Variants in FLI1 observed in about 807,000 individuals in gnomAD.
FLI1 encodes Friend leukemia integration 1 transcription factor.
A neutral mutation model predicts 53.1 loss-of-function variants in FLI1; 13 were observed. The observed-to-expected ratio is 0.24, with a 90% CI of 0.16 to 0.39. The LOEUF (loss-of-function observed/expected upper bound fraction) is 0.39, where lower values mean the gene tolerates loss of function less well. Among genes scored for constraint, FLI1 ranks in the 10% least tolerant of loss-of-function variants. The pLI is 1.00. For missense variants in FLI1, 424 were observed against 600.5 expected (o/e 0.71, Z 3.07); for synonymous variants, 244 against 236.7 (o/e 1.03, Z -0.28).
chr11:128,767,530 A>G (rs1941388360), intron 2 of FLI1, among the ~76,000 whole-genome samples: 1 of 152,210 alleles, frequency 6.6e-6, no homozygotes, highest in South Asian at 2.1e-4. Context: ...GGGAAATTCG[A>G]ATACAACAGT....
At chr11:128,689,125 A>T (rs1333820516), upstream of FLI1, among the ~76,000 whole-genome samples, 1 of 152,160 alleles carries the variant, frequency 6.6e-6, no homozygotes, top group African/African-American at 2.4e-5. Context: ...AGGTTAAGTA[A>T]CTTGTTCAAG....
intron 5 of FLI1, among the ~76,000 whole-genome samples, chr11:128,799,768 G>A (rs548894320): frequency 3.3e-5 from 5 of 152,154 alleles, no homozygotes; most frequent in East Asian, 1.9e-4. Context: ...GGGAAGGTTC[G>A]GGCAGTGCAG....
intron 5 of FLI1, among the ~76,000 whole-genome samples, chr11:128,800,001 A>G (rs1479920346): frequency 2.6e-5 from 4 of 152,218 alleles, no homozygotes; most frequent in Admixed American, 6.5e-5. Flanking sequence ...GCTCACCTGC[A>G]GTTTCTTCCC....
chr11:128,775,804 G>A (rs77429691), intron 4 of FLI1, among the ~76,000 whole-genome samples: 2,847 of 152,304 alleles, frequency 0.019, 44 homozygotes, highest in Middle Eastern at 0.048. Flanking sequence ...GGAGAGGAAG[G>A]TGGGGCTCAG....
chr11:128,746,954 C>G (rs1940421525), intron 1 of FLI1, among the ~76,000 whole-genome samples: 1 of 152,218 alleles, frequency 6.6e-6, no homozygotes, highest in Admixed American at 6.5e-5. Flanking sequence ...TGAAGGGAAG[C>G]AAGCAGTGTG....
chr11:128,808,488 G>C (rs1378535621), intron 7 of FLI1, among the ~76,000 whole-genome samples: 3 of 152,106 alleles, frequency 2.0e-5, no homozygotes, highest in African/African-American at 7.2e-5. Flanking sequence ...TTTAAGAATA[G>C]TCATTTTATA....
At chr11:128,783,231 A>G (rs1941978206) in intron 5 of FLI1, among the ~76,000 whole-genome samples, 1 of 152,230 alleles carries the variant, frequency 6.6e-6, no homozygotes. Flanking sequence ...GGGAAGGACC[A>G]TTTGGCTTAA....
At chr11:128,710,702 T>C (rs1386563164) in intron 1 of FLI1, among the ~76,000 whole-genome samples, 2 of 152,256 alleles carry the variant, frequency 1.3e-5, no homozygotes, top group Non-Finnish European at 2.9e-5. Flanking sequence ...TGTTGGATTG[T>C]ATAAAGGGTT....
intron 1 of FLI1, among the ~76,000 whole-genome samples, chr11:128,737,397 C>T (rs763477903): frequency 6.6e-6 from 1 of 152,190 alleles, no homozygotes; most frequent in Non-Finnish European, 1.5e-5. Context: ...TCACAGCCCC[C>T]ACCACACCGG....
At chr11:128,710,923 A>G (rs1346463736) in intron 1 of FLI1, among the ~76,000 whole-genome samples, 1 of 152,208 alleles carries the variant, frequency 6.6e-6, no homozygotes, top group African/African-American at 2.4e-5. Context: ...AGATTTGGGA[A>G]ACTTTATCAG....
intron 5 of FLI1, among the ~76,000 whole-genome samples, chr11:128,788,891 A>G (rs1007931591): frequency 6.6e-6 from 1 of 152,222 alleles, no homozygotes; most frequent in Admixed American, 6.5e-5. Context: ...AACACAGCAC[A>G]CTACCTACCC....
At chr11:128,801,692 T>C (rs1482886426) in intron 5 of FLI1, among the ~76,000 whole-genome samples, 1 of 152,234 alleles carries the variant, frequency 6.6e-6, no homozygotes, top group African/African-American at 2.4e-5. Flanking sequence ...TCTCTTCAGC[T>C]AGTGATATCA....
At chr11:128,698,731 TGTGA>T (rs1379498994) in intron 1 of FLI1, among the ~76,000 whole-genome samples, 16 of 112,532 alleles carry the variant, frequency 1.4e-4, no homozygotes, top group South Asian at 3.0e-4. Context: ...TGTGTGTGTG[TGTGA>T]GAGAGAGAGA....
chr11:128,716,160 C>T (rs992377587), intron 1 of FLI1, among the ~76,000 whole-genome samples: 1 of 152,168 alleles, frequency 6.6e-6, no homozygotes. Context: ...TACAATGCAG[C>T]CCATTTAGGA....
intron 1 of FLI1, among the ~76,000 whole-genome samples, chr11:128,702,688 C>T (rs575887987): frequency 6.6e-6 from 1 of 152,202 alleles, no homozygotes; most frequent in South Asian, 2.1e-4. Context: ...ATGGTGAAAC[C>T]CTGTCTTTAC....
chr11:128,790,246 GA>G (rs1213892069), intron 5 of FLI1, among the ~76,000 whole-genome samples: 1 of 143,784 alleles, frequency 7.0e-6, no homozygotes, highest in Non-Finnish European at 1.5e-5. Context: ...CCTCTTCGGA[GA>G]GTTGCATTTT....
chr11:128,785,174 G>A (rs1364116817), intron 5 of FLI1, among the ~76,000 whole-genome samples: 1 of 152,018 alleles, frequency 6.6e-6, no homozygotes, highest in Non-Finnish European at 1.5e-5. Context: ...GATCCAGCTA[G>A]AGCAGTTATG....
Position 128,782,016 on chromosome 11 carries a change from C to A in FLI1, c.648C>A (p.Val216=). ...CCGACCAATCCTCACGATTGAGTGT[C>A]AAAGAAGGTAAGTTTGTTCTTTTGT... ...SHTDQSSRLS[V]KEDPSYDSVR... The change falls in exon 5 of 9, where the codon GTC becomes GTA. Residue 216 remains valine (V), a synonymous_variant. Coordinates refer to ENST00000527786, the MANE Select transcript of FLI1 (RefSeq NM_002017.5). The A allele has an allele frequency of 6.2e-7, 1 of 1,613,380 alleles. No homozygotes were observed. Among genetic ancestry groups the A allele is most frequent in the Non-Finnish European group, 8.5e-7 (1 of 1,179,352 alleles).
At chr11:128,706,520 AG>A (rs1202818161) in intron 1 of FLI1, among the ~76,000 whole-genome samples, 1 of 152,216 alleles carries the variant, frequency 6.6e-6, no homozygotes, top group Non-Finnish European at 1.5e-5. Context: ...AAAAAGAAAG[AG>A]GCCATTGACG....
Sources: gnomAD v4.1 joint callset for allele counts (sites outside exome capture counted in the v4.1 genomes callset) on GRCh38, gnomAD v4.1.1 for gene constraint, MANE v1.5 for transcripts, NCBI Gene and HGNC (gene_info 2026-07-23, HGNC 2026-07-21) for gene names.